NDST3: variants seen among roughly 807,000 people sequenced by gnomAD.
NDST3 encodes the protein N-deacetylase and N-sulfotransferase 3, also known as bifunctional heparan sulfate N-deacetylase/N-sulfotransferase 3.
Under a neutral mutation model 96.1 loss-of-function variants are expected in NDST3, and 58 were observed. That is an observed-to-expected ratio of 0.60 (90% CI 0.49 to 0.75). NDST3 has a LOEUF of 0.75. NDST3 is among the 30% of genes least tolerant of loss of function. The pLI is 0.00. For synonymous variants in NDST3, 333 were observed against 359.7 expected, an observed-to-expected ratio of 0.93 and a Z score of 0.84; for missense variants, 788 against 1,034.2, an observed-to-expected ratio of 0.76 and a Z score of 3.27.
chr4:118,062,099 T>C (rs1725941170), intron 2 of NDST3, among the ~76,000 whole-genome samples: 1 of 152,142 alleles, frequency 6.6e-6, no homozygotes, highest in South Asian at 2.1e-4. Flanking sequence ...TTGTTATAGC[T>C]CACAATGTAC....
At chr4:118,102,352 C>T (rs755573835) in intron 2 of NDST3, among the ~76,000 whole-genome samples, 17 of 151,928 alleles carry the variant, frequency 1.1e-4, no homozygotes, top group Admixed American at 4.6e-4. Context: ...TTCAGACAAT[C>T]GTGATTCCTT....
At chr4:118,216,046 C>T (rs1267206976) in intron 6 of NDST3, among the ~76,000 whole-genome samples, 2 of 152,126 alleles carry the variant, frequency 1.3e-5, no homozygotes, top group Non-Finnish European at 2.9e-5. Flanking sequence ...CTATGAATAG[C>T]TCCTATTGTG....
At position 118,218,131 on chromosome 4, in the gene NDST3, C is replaced by T. The variant is rs181525420; in HGVS notation, c.1540-6360C>T. Among the ~76,000 whole-genome samples the T allele has an allele frequency of 6.0e-3, 911 of 152,266 alleles. 9 individuals carry two copies. Among genetic ancestry groups the T allele is most frequent in the Middle Eastern group, 0.024 (7 of 294 alleles). On this transcript the variant is annotated intron_variant, in intron 6 of 13. Coordinates refer to ENST00000296499, the MANE Select transcript of NDST3 (RefSeq NM_004784.3). ...CAGAGGTAAAAAGAGGAGCTGGTAT[C>T]TTTCCTTCTGAAACTATTCCAAACA... is the stretch of plus-strand genomic sequence containing the variant.
Position 118,105,003 on chromosome 4 carries a change from A to G in NDST3, c.982-15A>G. The G allele has an allele frequency of 6.2e-7, 1 of 1,605,972 alleles. No homozygotes were observed. Among genetic ancestry groups the G allele is most frequent in the East Asian group, 2.2e-5 (1 of 44,714 alleles). On this transcript the variant is annotated splice_polypyrimidine_tract_variant and intron_variant, in intron 2 of 13. Transcript: ENST00000296499. ...CATTCTTTACCTGATACATTTTTTA[A>G]ATTATGTATTTCAGGCCCTGCTTGA...
intron 3 of NDST3, among the ~76,000 whole-genome samples, chr4:118,105,516 T>A (rs867658583): frequency 6.6e-6 from 1 of 152,152 alleles, no homozygotes; most frequent in Non-Finnish European, 1.5e-5. Context: ...CATGAATTAG[T>A]TTTGCTTGGC....
At chr4:118,067,541 A>G (rs1333946248) in intron 2 of NDST3, among the ~76,000 whole-genome samples, 1 of 152,146 alleles carries the variant, frequency 6.6e-6, no homozygotes, top group Non-Finnish European at 1.5e-5. Flanking sequence ...GCACTTTGCA[A>G]GAACTAATTA....
At chr4:118,215,768 C>T (rs1277397552) in intron 6 of NDST3, among the ~76,000 whole-genome samples, 3 of 151,966 alleles carry the variant, frequency 2.0e-5, no homozygotes, top group Admixed American at 1.3e-4. Context: ...GCTTGACACT[C>T]CAGGTGTCAG....
chr4:118,209,468 T>C (rs984079844), intron 6 of NDST3, among the ~76,000 whole-genome samples: 2 of 152,176 alleles, frequency 1.3e-5, no homozygotes, highest in Admixed American at 6.5e-5. Flanking sequence ...CTGGAGATGT[T>C]CTCATGACAT....
At position 118,055,210 on chromosome 4, in the gene NDST3, C is replaced by T. The variant is rs1578544342; in HGVS notation, c.981+319C>T. 9.2e-6 allele frequency: 3 copies of T among 327,610 alleles called. No homozygotes were observed. The East Asian group carries it at 2.2e-4, about 24-fold the overall frequency. 20.3% of individuals were successfully genotyped at this position (327,610 alleles called of 1,614,324 possible). On this transcript the variant is annotated intron_variant, in intron 2 of 13. Coordinates refer to ENST00000296499, the MANE Select transcript of NDST3 (RefSeq NM_004784.3). ...TATCTACCTCAAAAAAAAGCTATTA[C>T]TAATCTCAGACTTAGCTCATTTAAA...
intron 1 of NDST3, among the ~76,000 whole-genome samples, chr4:118,040,651 T>C (rs148298746): frequency 6.6e-6 from 1 of 151,950 alleles, no homozygotes; most frequent in Non-Finnish European, 1.5e-5. Flanking sequence ...TGTTTGTTCA[T>C]TGTATGTGCC....
chr4:118,154,423 C>G (rs114920281), intron 6 of NDST3, among the ~76,000 whole-genome samples: 1 of 152,128 alleles, frequency 6.6e-6, no homozygotes, highest in Admixed American at 6.5e-5. Flanking sequence ...ATTGACTAAA[C>G]GCATGAAGAG....
intron 6 of NDST3, chr4:118,194,560 T>G: frequency 1.4e-6 from 1 of 729,242 alleles, no homozygotes; most frequent in Non-Finnish European, 2.6e-6. Flanking sequence ...GGTCAAAGTT[T>G]GTGCCATCTA....
intron 2 of NDST3, 71 bp from the exon 3 acceptor site, chr4:118,104,947 A>C: frequency 1.6e-6 from 2 of 1,224,578 alleles, no homozygotes; most frequent in Non-Finnish European, 2.4e-6. Context: ...TGAATGCAAA[A>C]AGGATATATC....
intron 6 of NDST3, among the ~76,000 whole-genome samples, chr4:118,182,235 C>T (rs994068296): frequency 2.6e-4 from 40 of 152,036 alleles, no homozygotes; most frequent in Non-Finnish European, 5.0e-4. Flanking sequence ...GCCAAGTTCT[C>T]GGGACACGAA....
intron 6 of NDST3, among the ~76,000 whole-genome samples, chr4:118,183,988 T>G (rs1302245408): frequency 1.3e-5 from 2 of 152,202 alleles, no homozygotes; most frequent in African/African-American, 4.8e-5. Flanking sequence ...TTACTCACGG[T>G]GCTAGAAGGG....
At chr4:118,249,836 T>C (rs1263656217) in intron 12 of NDST3, among the ~76,000 whole-genome samples, 1 of 152,032 alleles carries the variant, frequency 6.6e-6, no homozygotes, top group Non-Finnish European at 1.5e-5. Context: ...AATTGTGCAG[T>C]TCAATGAATA....
rs1426977837 is a variant in NDST3, at chr4:118,255,983, C to T, written c.*271C>T. On this transcript the variant is annotated 3_prime_UTR_variant, in exon 14 of 14. Transcript: ENST00000296499. ...TCATGTGGAAGTCAATTGCAACCAA[C>T]ATAAATATCAAACACAAATGCAGAA... is the stretch of plus-strand genomic sequence containing the variant. 6 of 228,224 alleles carry T rather than the reference C, an allele frequency of 2.6e-5. No individual in the cohort carries two copies. Among genetic ancestry groups the T allele is most frequent in the Non-Finnish European group, 5.1e-5 (6 of 117,622 alleles). 14.1% of individuals were successfully genotyped at this position (228,224 alleles called of 1,614,324 possible).
intron 6 of NDST3, among the ~76,000 whole-genome samples, chr4:118,161,192 G>A (rs946717790): frequency 5.9e-5 from 9 of 152,300 alleles, no homozygotes; most frequent in East Asian, 5.8e-4. Context: ...GCAGATTTTC[G>A]TGAACTGCGA....
chr4:118,162,283 T>C (rs113777087), intron 6 of NDST3, among the ~76,000 whole-genome samples: 11 of 152,088 alleles, frequency 7.2e-5, no homozygotes, highest in Non-Finnish European at 1.0e-4. Flanking sequence ...AAAAGAGCCC[T>C]CATTGCCAAG....
Sources: gnomAD v4.1 joint callset for allele counts (sites outside exome capture counted in the v4.1 genomes callset) on GRCh38, gnomAD v4.1.1 for gene constraint, MANE v1.5 for transcripts, NCBI Gene and HGNC (gene_info 2026-07-23, HGNC 2026-07-21) for gene names.